Variants in BTD observed in about 807,000 individuals in gnomAD.
BTD encodes the protein biocytinase.
BTD carries 13 observed loss-of-function variants against 17.7 expected under a neutral mutation model. That is an observed-to-expected ratio of 0.74 (90% CI 0.48 to 1.17). The LOEUF is 1.17. Among genes scored for constraint, BTD ranks in the 50% most tolerant of loss-of-function variants. The probability of loss-of-function intolerance (pLI) is 0.00; values close to 1 mark genes in which losing one functional copy is unlikely to be tolerated. For synonymous variants in BTD, 240 were observed against 245.2 expected, an observed-to-expected ratio of 0.98 and a Z score of 0.20; for missense variants, 674 against 650.4, an observed-to-expected ratio of 1.04 and a Z score of -0.39.
At chr3:15,703,619 G>A (rs979302381) in intron 3 of BTD, among the ~76,000 whole-genome samples, 2 of 152,208 alleles carry the variant, frequency 1.3e-5, no homozygotes, top group African/African-American at 4.8e-5. Flanking sequence ...TTCCAGAACT[G>A]TGAGAAATAA....
At chr3:15,674,526 C>T (rs2066736530) in intron 3 of BTD, among the ~76,000 whole-genome samples, 1 of 152,168 alleles carries the variant, frequency 6.6e-6, no homozygotes, top group Non-Finnish European at 1.5e-5. Flanking sequence ...GTTTATCAGA[C>T]ATCCACATGG....
At chr3:15,700,207 T>C (rs1489256262) in intron 3 of BTD, among the ~76,000 whole-genome samples, 3 of 152,040 alleles carry the variant, frequency 2.0e-5, no homozygotes, top group Non-Finnish European at 4.4e-5. Context: ...GAGGGGAACA[T>C]TACACACACA....
At chr3:15,686,021 C>G (rs776376170) in intron 3 of BTD, 1 of 1,613,412 alleles carries the variant, frequency 6.2e-7, no homozygotes, top group Non-Finnish European at 8.5e-7. Flanking sequence ...CAACGCTGTC[C>G]TTCCCCACTT....
intron 3 of BTD, 181 bp downstream of exon 3, chr3:15,642,238 C>T (rs2065531685): frequency 1.4e-6 from 2 of 1,459,868 alleles, no homozygotes; most frequent in Non-Finnish European, 1.8e-6. Context: ...TCTGACGTTA[C>T]AAGGCAGTTA....
chr3:15,601,512 A>C (rs748510898), upstream of BTD: 1 of 1,609,452 alleles, frequency 6.2e-7, no homozygotes, highest in Admixed American at 1.7e-5. Context: ...AACAAGCGGA[A>C]TCATCCAGCA....
At chr3:15,657,333 C>G (rs995693309), downstream of BTD, among the ~76,000 whole-genome samples, 10 of 152,214 alleles carry the variant, frequency 6.6e-5, no homozygotes, top group African/African-American at 1.9e-4. Flanking sequence ...TCAAAGTAGG[C>G]TGCTGTACTG....
At chr3:15,641,246 A>G (rs185048305) in intron 2 of BTD, among the ~76,000 whole-genome samples, 36 of 152,320 alleles carry the variant, frequency 2.4e-4, no homozygotes, top group African/African-American at 8.7e-4. Context: ...CAGTTGGGGA[A>G]TGGAGATTTC....
intron 3 of BTD, among the ~76,000 whole-genome samples, chr3:15,674,673 T>C (rs1177421037): frequency 3.3e-5 from 5 of 151,818 alleles, no homozygotes; most frequent in African/African-American, 7.3e-5. Flanking sequence ...TCAATGTAGA[T>C]AGAGAAAGCA....
chr3:15,613,661 C>T (rs1217000994), intron 1 of BTD, among the ~76,000 whole-genome samples: 1 of 151,876 alleles, frequency 6.6e-6, no homozygotes, highest in Non-Finnish European at 1.5e-5. Context: ...TGTTTTGTCA[C>T]AGTTTTTATT....
rs944872754 is a variant in BTD at position 15,636,195 on chromosome 3, T to C, written c.249+507T>C. Among the ~76,000 whole-genome samples, 16 of 152,274 alleles carry C rather than the reference T, an allele frequency of 1.1e-4. 4 individuals are homozygous for C. Among genetic ancestry groups the C allele is most frequent in the East Asian group, 1.9e-4 (1 of 5,186 alleles). On this transcript the variant is annotated intron_variant, in intron 2 of 3. Coordinates refer to ENST00000643237, the MANE Select transcript of BTD (RefSeq NM_001370658.1). ...TTGAAGATGACTGGGCGTGATGACC[T>C]CTCTGAGTCATTCGAAGCTTCACTG...
At chr3:15,605,597 A>G (rs1458751463) in intron 1 of BTD, among the ~76,000 whole-genome samples, 1 of 152,212 alleles carries the variant, frequency 6.6e-6, no homozygotes, top group African/African-American at 2.4e-5. Context: ...AATGACATTT[A>G]TTGAGATATA....
chr3:15,625,260 C>T (rs1385210939), intron 1 of BTD, among the ~76,000 whole-genome samples: 3 of 152,200 alleles, frequency 2.0e-5, no homozygotes, highest in African/African-American at 7.2e-5. Flanking sequence ...CAACCCCACT[C>T]AGGCGGGACA....
In BTD at chr3:15,644,676, A is replaced by G. The variant is rs2065642495; in HGVS notation, c.760A>G (p.Asn254Asp). 1 of 1,614,100 alleles carries G rather than the reference A, an allele frequency of 6.2e-7. No individual in the cohort carries two copies. The highest frequency in any genetic ancestry group is 8.5e-7 in the Non-Finnish European group (1 of 1,180,038). ...KHVVYPTAWM[N>D]QLPLLAAIEI... ...TGTTGTGTACCCAACTGCCTGGATG[A>G]ACCAGCTCCCACTCTTGGCAGCAAT... The change falls in exon 4 of 4, where the codon AAC (asparagine) becomes GAC (aspartate). Residue 254 changes from asparagine to aspartate, a missense_variant. Coordinates refer to ENST00000643237, the MANE Select transcript of BTD (RefSeq NM_001370658.1).
At chr3:15,660,070 C>G (rs552358027) in intron 3 of BTD, among the ~76,000 whole-genome samples, 1 of 152,358 alleles carries the variant, frequency 6.6e-6, no homozygotes, top group Non-Finnish European at 1.5e-5. Flanking sequence ...GTGTCAGGCA[C>G]TTCCCATGTA....
chr3:15,706,630 G>A (rs2071469538), intron 3 of BTD, among the ~76,000 whole-genome samples: 1 of 152,046 alleles, frequency 6.6e-6, no homozygotes, highest in Non-Finnish European at 1.5e-5. Context: ...GGGTCAAATG[G>A]TATTTCTAGT....
intron 3 of BTD, among the ~76,000 whole-genome samples, chr3:15,701,410 G>A (rs1384322003): frequency 2.6e-5 from 4 of 152,054 alleles, no homozygotes; most frequent in Admixed American, 1.3e-4. Flanking sequence ...TTTGGGAAGC[G>A]GAGGTGGGCG....
intron 4 of BTD, among the ~76,000 whole-genome samples, chr3:15,720,663 T>C (rs759112715): frequency 2.0e-5 from 3 of 152,072 alleles, no homozygotes; most frequent in Non-Finnish European, 4.4e-5. Context: ...ATGGCAATAA[T>C]TGTTGTGATT....
At chr3:15,692,188 A>C (rs2068900925) in intron 3 of BTD, among the ~76,000 whole-genome samples, 1 of 150,840 alleles carries the variant, frequency 6.6e-6, no homozygotes. Context: ...ATGGTCACTC[A>C]CACCTATATC....
chr3:15,644,246 C>T (rs530225217), intron 3 of BTD, 70 bp from the exon 4 acceptor site: 86 of 1,495,370 alleles, frequency 5.8e-5, no homozygotes, highest in East Asian at 7.2e-5. Context: ...ATGATCCACC[C>T]GCCTCAGCCT....
Sources: allele counts gnomAD v4.1 joint callset (sites outside exome capture counted in the v4.1 genomes callset), GRCh38; gene constraint gnomAD v4.1.1; transcripts MANE v1.5; gene names NCBI Gene and HGNC (gene_info 2026-07-23, HGNC 2026-07-21).